WDFY4: variants seen among roughly 807,000 people sequenced by gnomAD.
WDFY4 encodes WD repeat- and FYVE domain-containing protein 4.
WDFY4 carries 169 observed loss-of-function variants against 351.9 expected under a neutral mutation model. The observed-to-expected ratio is 0.48, with a 90% CI of 0.42 to 0.55. The LOEUF (loss-of-function observed/expected upper bound fraction) is 0.55. WDFY4 is among the 20% of genes least tolerant of loss of function. The probability of loss-of-function intolerance (pLI) is 0.00; values close to 1 mark genes in which losing one functional copy is unlikely to be tolerated. For synonymous variants in WDFY4, 1,622 were observed against 1,574.6 expected (o/e 1.03, Z -0.71); for missense variants, 3,803 against 3,935.6 (o/e 0.97, Z 0.90).
intron 12 of WDFY4, among the ~76,000 whole-genome samples, chr10:48,746,308 T>G (rs2065013806): frequency 6.6e-6 from 1 of 152,242 alleles, no homozygotes; most frequent in African/African-American, 2.4e-5. Context: ...ATTTTTATCA[T>G]TATATGGTGA....
At chr10:48,868,391 A>G (rs1175360465) in intron 40 of WDFY4, among the ~76,000 whole-genome samples, 1 of 152,120 alleles carries the variant, frequency 6.6e-6, no homozygotes, top group East Asian at 1.9e-4. Flanking sequence ...AGGCATGTCT[A>G]GTTTTTCTGA....
chr10:48,876,609 T>C (rs1391057612), intron 42 of WDFY4, among the ~76,000 whole-genome samples: 2 of 152,124 alleles, frequency 1.3e-5, no homozygotes, highest in African/African-American at 2.4e-5. Context: ...CCAAGTTTTT[T>C]TTACAATAAA....
chr10:48,823,082 A>G (rs1304823849), intron 35 of WDFY4: 2 of 1,249,232 alleles, frequency 1.6e-6, no homozygotes, highest in South Asian at 1.3e-5. Context: ...CTGTAGGGCC[A>G]TCATTGAATG....
intron 1 of WDFY4, among the ~76,000 whole-genome samples, chr10:48,708,730 C>T (rs1400264011): frequency 6.6e-6 from 1 of 152,176 alleles, no homozygotes; most frequent in Non-Finnish European, 1.5e-5. Context: ...AGGTTCCCAA[C>T]TTGCAAACAC....
intron 30 of WDFY4, 52 bp downstream of exon 30, chr10:48,811,760 A>G (rs981610175): frequency 3.3e-6 from 5 of 1,532,092 alleles, no homozygotes; most frequent in East Asian, 4.9e-5. Flanking sequence ...CTGATTCCAC[A>G]TGACTAAGGC....
chr10:48,823,191 C>A, intron 35 of WDFY4: 1 of 1,303,220 alleles, frequency 7.7e-7, no homozygotes, highest in Non-Finnish European at 1.0e-6. Context: ...GATCTCAGCC[C>A]CATTACAAGC....
intron 53 of WDFY4, among the ~76,000 whole-genome samples, 197 bp from the exon 54 acceptor site, chr10:48,963,645 G>A (rs907183866): frequency 6.6e-6 from 1 of 152,166 alleles, no homozygotes; most frequent in Non-Finnish European, 1.5e-5. Context: ...TTTGCTGCTG[G>A]CTGCAGACAG....
rs1340821067 is a variant in WDFY4, at chr10:48,719,922, T to C, written c.235-89T>C. The C allele has an allele frequency of 5.8e-6, 7 of 1,206,790 alleles. No homozygotes were observed. In the Admixed American group the frequency reaches 1.4e-4, roughly 25 times the overall value. The allele number at this position is 1,206,790 out of a possible 1,614,324, so 74.8% of individuals were successfully genotyped here. A position where few individuals can be genotyped will look rare whatever the true frequency, so the allele number is the denominator to read the frequency against. ...TGGGAAAGGAAGTCGAGCTGTCAGC[T>C]TGGGCTGGTGAAGGGTGGCATGGCA... On this transcript the variant is annotated intron_variant, in intron 2 of 61. Coordinates refer to ENST00000325239, the MANE Select transcript of WDFY4 (RefSeq NM_001394531.1).
intron 4 of WDFY4, among the ~76,000 whole-genome samples, chr10:48,722,880 T>C (rs193212948): frequency 6.6e-6 from 1 of 152,204 alleles, no homozygotes; most frequent in Non-Finnish European, 1.5e-5. Context: ...AGCTGTTTAG[T>C]TGAGTTGCTG....
rs191042565 is a variant in WDFY4 at position 48,832,656 on chromosome 10, G to A, written c.6610G>A (p.Ala2204Thr). Residue 2204 changes from alanine (A) to threonine (T), a missense_variant, in exon 39 of 62, where the codon GCC (alanine) becomes ACC (threonine). This residue lies in a region of WDFY4 where 3,054 missense variants were observed against 3,148.6 expected (regional missense o/e 0.97). Transcript: ENST00000325239. ...TTTGTGGAGTGGAAGCCTGTCCTCAGCCATGAAGCTGATGCCCGGGCGGCA... is the reference window on the plus strand; with the variant it reads ...TTTGTGGAGTGGAAGCCTGTCCTCAACCATGAAGCTGATGCCCGGGCGGCA... ...VTLWSGSLSS[A>T]MKLMPGRQAK... 3.1e-5 allele frequency: 48 copies of A among 1,550,958 alleles called. No individual in the cohort carries two copies. The African/African-American group carries it at 5.7e-4, about 19-fold the overall frequency.
chr10:48,685,954 G>C (rs2063034676), intron 1 of WDFY4, among the ~76,000 whole-genome samples: 1 of 152,044 alleles, frequency 6.6e-6, no homozygotes, highest in South Asian at 2.1e-4. Context: ...TTCTGAGAGG[G>C]GACCTGTGAG....
intron 13 of WDFY4, among the ~76,000 whole-genome samples, chr10:48,768,723 AAGAGAGAGAGAGAGAGAG>A (rs71026224): frequency 1.4e-5 from 2 of 140,978 alleles, no homozygotes; most frequent in Admixed American, 7.1e-5. Flanking sequence ...GGGAGAGGAG[AAGAGAGAGAGAGAGAGAG>A]AGAGAGAGAG....
chr10:48,902,815 T>C (rs554887783), intron 47 of WDFY4, among the ~76,000 whole-genome samples: 2 of 152,176 alleles, frequency 1.3e-5, no homozygotes, highest in East Asian at 3.9e-4. Flanking sequence ...AAACAATCTT[T>C]GAATTAATAC....
rs77052935 is a variant in WDFY4 at position 48,807,797 on chromosome 10, C to T, written c.4739-62C>T. ...AGCATTTGGTGAATATGATTGCTTACTGCAGCAAATATTATGTCTCTTTAC... is the reference window on the plus strand; with the variant it reads ...AGCATTTGGTGAATATGATTGCTTATTGCAGCAAATATTATGTCTCTTTAC... On this transcript the variant is annotated intron_variant, in intron 27 of 61. Coordinates refer to ENST00000325239, the MANE Select transcript of WDFY4 (RefSeq NM_001394531.1). 4,222 of 1,512,482 alleles carry T rather than the reference C, an allele frequency of 2.8e-3. 98 individuals carry two copies. The African/African-American group carries it at 0.047, about 17-fold the overall frequency. 93.7% of individuals were successfully genotyped at this position (1,512,482 alleles called of 1,614,324 possible).
At chr10:48,846,836 C>T (rs1211571314) in intron 39 of WDFY4, among the ~76,000 whole-genome samples, 3 of 152,174 alleles carry the variant, frequency 2.0e-5, no homozygotes, top group Admixed American at 2.0e-4. Flanking sequence ...GCCAGTGCTG[C>T]CAACGGCTCT....
intron 40 of WDFY4, among the ~76,000 whole-genome samples, chr10:48,869,501 T>C (rs530940972): frequency 6.6e-6 from 1 of 152,162 alleles, no homozygotes; most frequent in Non-Finnish European, 1.5e-5. Context: ...CCCATTATTA[T>C]ATCAACAGCA....
chr10:48,925,094 G>T (rs1406929772), intron 47 of WDFY4, among the ~76,000 whole-genome samples: 1 of 152,148 alleles, frequency 6.6e-6, no homozygotes, highest in African/African-American at 2.4e-5. Context: ...TTACTTGTCG[G>T]TCATCTCTTA....
chr10:48,787,577 C>A (rs531138383), intron 20 of WDFY4, among the ~76,000 whole-genome samples: 2 of 152,182 alleles, frequency 1.3e-5, no homozygotes, highest in African/African-American at 2.4e-5. Context: ...GGGTGTTTGC[C>A]GTGGCTGTGC....
chr10:48,955,650 A>G (rs1841551731), intron 51 of WDFY4, among the ~76,000 whole-genome samples: 1 of 152,338 alleles, frequency 6.6e-6, no homozygotes, highest in African/African-American at 2.4e-5. Context: ...TGGTCTGCCA[A>G]ATGGAAACAC....
Sources: gnomAD v4.1 joint callset for allele counts (sites outside exome capture counted in the v4.1 genomes callset) on GRCh38, gnomAD v4.1.1 for gene constraint, gnomAD v4.1.1 regional missense constraint, MANE v1.5 for transcripts, NCBI Gene and HGNC (gene_info 2026-07-23, HGNC 2026-07-21) for gene names.